CNTN5: variants seen among roughly 807,000 people sequenced by gnomAD.
The protein encoded by CNTN5 is contactin 5.
Under a neutral mutation model 129.1 loss-of-function variants are expected in CNTN5, and 77 were observed. The observed-to-expected ratio is 0.60, with a 90% CI of 0.50 to 0.72. The LOEUF is 0.72. CNTN5 is among the 30% of genes least tolerant of loss of function. CNTN5 has a pLI of 0.00. For missense variants in CNTN5, 1,478 were observed against 1,328.8 expected, an observed-to-expected ratio of 1.11 and a Z score of -1.75; for synonymous variants, 509 against 465.6, an observed-to-expected ratio of 1.09 and a Z score of -1.20.
intron 4 of CNTN5, among the ~76,000 whole-genome samples, chr11:99,841,247 T>C (rs1225182485): frequency 6.6e-6 from 1 of 152,146 alleles, no homozygotes. Context: ...GTATGGGCAG[T>C]AATAATAAAA....
At chr11:99,535,030 G>T (rs1947851502) in intron 2 of CNTN5, among the ~76,000 whole-genome samples, 1 of 152,158 alleles carries the variant, frequency 6.6e-6, no homozygotes. Flanking sequence ...CATAGTTGGA[G>T]GCCAGCCCAT....
chr11:99,526,637 G>C (rs946364866), intron 2 of CNTN5, among the ~76,000 whole-genome samples: 1 of 152,108 alleles, frequency 6.6e-6, no homozygotes, highest in African/African-American at 2.4e-5. Context: ...GAGGTGTAAT[G>C]ATATTTTTAT....
At chr11:100,233,568 T>C (rs1348524944) in intron 16 of CNTN5, among the ~76,000 whole-genome samples, 1 of 152,240 alleles carries the variant, frequency 6.6e-6, no homozygotes, top group Non-Finnish European at 1.5e-5. Context: ...GTATTAGTAA[T>C]GACTTTCTAT....
At chr11:99,635,684 G>A (rs978799262) in intron 3 of CNTN5, among the ~76,000 whole-genome samples, 2 of 152,086 alleles carry the variant, frequency 1.3e-5, no homozygotes, top group African/African-American at 4.8e-5. Context: ...ACAAAGAGGA[G>A]AGGGAGAAAT....
chr11:99,748,009 C>A (rs1944111883), intron 3 of CNTN5, among the ~76,000 whole-genome samples: 1 of 152,034 alleles, frequency 6.6e-6, no homozygotes, highest in African/African-American at 2.4e-5. Flanking sequence ...TGGTGTATCA[C>A]ATTTATTGAT....
chr11:100,182,153 A>G (rs928120038), intron 13 of CNTN5, among the ~76,000 whole-genome samples: 9 of 152,102 alleles, frequency 5.9e-5, no homozygotes, highest in African/African-American at 2.2e-4. Flanking sequence ...TTTGACCTAC[A>G]TATATATGCC....
At chr11:99,300,969 A>G (rs1864608231) in intron 1 of CNTN5, among the ~76,000 whole-genome samples, 1 of 151,886 alleles carries the variant, frequency 6.6e-6, no homozygotes. Flanking sequence ...TGGCCCTAAT[A>G]GTAAAAGTGG....
intron 7 of CNTN5, among the ~76,000 whole-genome samples, chr11:99,926,639 T>G (rs567880422): frequency 2.6e-5 from 4 of 152,304 alleles, no homozygotes; most frequent in Middle Eastern, 3.5e-3. Flanking sequence ...ACCATGATAC[T>G]CCTTGCTTCA....
At chr11:100,203,799 T>TACACCCACACACAC (rs373015585) in intron 15 of CNTN5, among the ~76,000 whole-genome samples, 14 of 139,100 alleles carry the variant, frequency 1.0e-4, no homozygotes, top group African/African-American at 3.8e-4. Context: ...AATGTGCACG[T>TACACCCACACACAC]ACACACACAC....
intron 6 of CNTN5, among the ~76,000 whole-genome samples, chr11:99,889,438 A>C (rs890113544): frequency 1.3e-5 from 2 of 151,840 alleles, no homozygotes; most frequent in African/African-American, 2.4e-5. Flanking sequence ...ATTGACACAT[A>C]AAATAGATTT....
At chr11:99,885,043 G>T (rs536276373) in intron 6 of CNTN5, among the ~76,000 whole-genome samples, 1 of 152,120 alleles carries the variant, frequency 6.6e-6, no homozygotes, top group Non-Finnish European at 1.5e-5. Context: ...AGCACTCTGG[G>T]GGGGTGAGGA....
In CNTN5 at chr11:100,163,032, A is replaced by T. The variant is rs144485972; in HGVS notation, c.1581-28094A>T. ...CCTTTGTGCCTCCTACAGCCTTAGA[A>T]ATGTGTTAGAGTATATTAAGTTTTA... On this transcript the variant is annotated intron_variant, in intron 13 of 24. Transcript: ENST00000524871. 4.4e-3 allele frequency among the ~76,000 whole-genome samples: 668 copies of T among 151,920 alleles called. 3 individuals carry two copies. The highest frequency in any genetic ancestry group is 0.015 in the African/African-American group (631 of 41,486).
Position 99,970,923 on chromosome 11 carries a change from T to A in CNTN5, c.877+13914T>A, listed in dbSNP as rs528975450. Among the ~76,000 whole-genome samples the A allele has an allele frequency of 1.7e-3, 263 of 152,308 alleles. 1 individual carries two copies. Among genetic ancestry groups the A allele is most frequent in the African/African-American group, 6.2e-3 (256 of 41,576 alleles). ...GTTTTCTGACTCCATAATTTTTCTTTCTGTTCTGTCTTCATGAAGTACCCT... is the reference window on the plus strand; with the variant it reads ...GTTTTCTGACTCCATAATTTTTCTTACTGTTCTGTCTTCATGAAGTACCCT... On this transcript the variant is annotated intron_variant, in intron 8 of 24. Transcript: ENST00000524871.
chr11:99,950,050 A>G (rs1004495623), intron 7 of CNTN5, among the ~76,000 whole-genome samples: 1 of 152,218 alleles, frequency 6.6e-6, no homozygotes, highest in African/African-American at 2.4e-5. Flanking sequence ...AGAGAAAATT[A>G]TTACTTTGTT....
chr11:99,848,793 C>T, intron 6 of CNTN5, among the ~76,000 whole-genome samples: 1 of 152,114 alleles, frequency 6.6e-6, no homozygotes, highest in Admixed American at 6.6e-5. Context: ...CTATCAGGAT[C>T]TTCTAAAGTC....
At chr11:99,720,315 A>G in intron 3 of CNTN5, among the ~76,000 whole-genome samples, 1 of 152,140 alleles carries the variant, frequency 6.6e-6, no homozygotes, top group South Asian at 2.1e-4. Flanking sequence ...CAGCACCATA[A>G]TCAAGTAGGC....
intron 3 of CNTN5, among the ~76,000 whole-genome samples, chr11:99,774,353 G>C (rs1241038921): frequency 6.6e-6 from 1 of 151,290 alleles, no homozygotes; most frequent in South Asian, 2.1e-4. Flanking sequence ...GGGGGGGTGG[G>C]TGTTAAATTT....
At chr11:99,598,838 A>G (rs1194747736) in intron 3 of CNTN5, among the ~76,000 whole-genome samples, 1 of 152,100 alleles carries the variant, frequency 6.6e-6, no homozygotes, top group Non-Finnish European at 1.5e-5. Context: ...ATATGCAGGA[A>G]AAACACCATT....
intron 2 of CNTN5, among the ~76,000 whole-genome samples, chr11:99,359,754 A>G (rs1938971185): frequency 6.6e-6 from 1 of 152,146 alleles, no homozygotes; most frequent in South Asian, 2.1e-4. Flanking sequence ...ATTGCCTTAC[A>G]GCTGTGAGCC....
Sources: gnomAD v4.1 joint callset for allele counts (sites outside exome capture counted in the v4.1 genomes callset) on GRCh38, gnomAD v4.1.1 for gene constraint, MANE v1.5 for transcripts, NCBI Gene and HGNC (gene_info 2026-07-23, HGNC 2026-07-21) for gene names.